RYR2: variants seen among roughly 807,000 people sequenced by gnomAD.
RYR2 encodes the protein ryanodine receptor 2.
In RYR2, 227 loss-of-function variants were observed where a neutral mutation model predicts 601.1. The observed-to-expected ratio is 0.38, with a 90% CI of 0.34 to 0.42. The LOEUF is 0.42. Among genes scored for constraint, RYR2 ranks in the 10% least tolerant of loss-of-function variants. The pLI, the probability that RYR2 is intolerant of heterozygous loss-of-function variation, is 1.00. For missense variants in RYR2, 4,646 were observed against 6,156.5 expected (o/e 0.75, Z 8.21); for synonymous variants, 2,223 against 2,175.1 (o/e 1.02, Z -0.61).
chr1:237,411,806 C>T (rs1237323458), intron 10 of RYR2, among the ~76,000 whole-genome samples: 1 of 152,086 alleles, frequency 6.6e-6, no homozygotes, highest in Non-Finnish European at 1.5e-5. Context: ...TTTAGTTGCC[C>T]TGCAGAACAA....
intron 1 of RYR2, among the ~76,000 whole-genome samples, chr1:237,197,831 T>C (rs1218941394): frequency 1.3e-5 from 2 of 152,218 alleles, no homozygotes; most frequent in Non-Finnish European, 2.9e-5. Context: ...CTGGAGTTTG[T>C]GGGCAGAACA....
At chr1:237,776,590 C>T (rs1694672065) in intron 87 of RYR2, among the ~76,000 whole-genome samples, 1 of 152,130 alleles carries the variant, frequency 6.6e-6, no homozygotes, top group African/African-American at 2.4e-5. Flanking sequence ...GTTGTTCATT[C>T]TGGAAGGAGT....
At chr1:237,556,286 T>C (rs1670865313) in intron 27 of RYR2, among the ~76,000 whole-genome samples, 1 of 24,004 alleles carries the variant, frequency 4.2e-5, no homozygotes, top group African/African-American at 2.0e-4. Flanking sequence ...AAAATATTAT[T>C]ATTATTATTA....
chr1:237,558,392 G>A (rs1301276946), intron 27 of RYR2, among the ~76,000 whole-genome samples: 1 of 152,294 alleles, frequency 6.6e-6, no homozygotes, highest in South Asian at 2.1e-4. Flanking sequence ...AGAATTCTCA[G>A]CTGACAATTA....
At chr1:237,453,888 A>G (rs1658486094) in intron 14 of RYR2, among the ~76,000 whole-genome samples, 1 of 152,182 alleles carries the variant, frequency 6.6e-6, no homozygotes. Flanking sequence ...GCATTTTAAT[A>G]TATATTTACC....
chr1:237,415,806 C>T (rs1229758250), intron 10 of RYR2, among the ~76,000 whole-genome samples: 1 of 152,120 alleles, frequency 6.6e-6, no homozygotes, highest in African/African-American at 2.4e-5. Flanking sequence ...ATCTGTGAGG[C>T]AATTTGGGAA....
chr1:237,299,125 G>GTTTTT (rs1464427149), intron 2 of RYR2, among the ~76,000 whole-genome samples: 7 of 44,146 alleles, frequency 1.6e-4, no homozygotes, highest in Non-Finnish European at 6.3e-4. Context: ...AATTCCTAGA[G>GTTTTT]TCTTTTTTTT....
At chr1:237,070,734 G>T (rs941281136) in intron 1 of RYR2, among the ~76,000 whole-genome samples, 1 of 152,242 alleles carries the variant, frequency 6.6e-6, no homozygotes, top group Non-Finnish European at 1.5e-5. Flanking sequence ...CATGCTGGCT[G>T]GGGTGGGGTG....
chr1:237,569,289 C>A lies in RYR2; in HGVS notation c.3568C>A (p.Leu1190Met). ...EILLDDSGSE[L>M]AFKDFDVGDG... ...CCTTCTTGATGATTCAGGCTCAGAA[C>A]TGGCTTTCAAGGACTTTGATGTTGG... Residue 1190 changes from leucine to methionine, a missense_variant, in exon 29 of 105, where the codon CTG becomes ATG. By Grantham distance (15) the Leu-to-Met change is conservative. Transcript: ENST00000366574. The A allele has an allele frequency of 6.2e-7, 1 of 1,613,828 alleles. No homozygotes were observed. Among genetic ancestry groups the A allele is most frequent in the Non-Finnish European group, 8.5e-7 (1 of 1,179,840 alleles).
At chr1:237,439,067 A>T (rs1422524813) in intron 12 of RYR2, among the ~76,000 whole-genome samples, 1 of 152,222 alleles carries the variant, frequency 6.6e-6, no homozygotes, top group Non-Finnish European at 1.5e-5. Flanking sequence ...TTACTTGCCT[A>T]ATCTGAGCAC....
At chr1:237,641,107 T>A in intron 47 of RYR2, 105 bp downstream of exon 47, 1 of 673,954 alleles carries the variant, frequency 1.5e-6, no homozygotes, top group Admixed American at 3.2e-5. Context: ...ATCTTCATGC[T>A]CCATTAAAAA....
intron 2 of RYR2, among the ~76,000 whole-genome samples, chr1:237,308,850 T>C (rs919553981): frequency 1.3e-5 from 2 of 152,244 alleles, no homozygotes; most frequent in Non-Finnish European, 2.9e-5. Flanking sequence ...CCCACCCACA[T>C]CCTGCTGATT....
chr1:237,476,972 C>G (rs1661477226), intron 17 of RYR2, among the ~76,000 whole-genome samples: 1 of 152,170 alleles, frequency 6.6e-6, no homozygotes, highest in Admixed American at 6.5e-5. Flanking sequence ...TTTATTTTCC[C>G]TTTGCATAGC....
At chr1:237,460,130 T>C (rs1223533340) in intron 16 of RYR2, among the ~76,000 whole-genome samples, 1 of 152,184 alleles carries the variant, frequency 6.6e-6, no homozygotes, top group Non-Finnish European at 1.5e-5. Flanking sequence ...GTGCGGCCTT[T>C]TCTTGATGGT....
At chr1:237,319,092 T>C (rs1037465743) in intron 2 of RYR2, among the ~76,000 whole-genome samples, 2 of 152,158 alleles carry the variant, frequency 1.3e-5, no homozygotes, top group Admixed American at 6.5e-5. Flanking sequence ...TGAACCTCTT[T>C]AGTATATTTA....
At chr1:237,749,305 A>C (rs546033098) in intron 80 of RYR2, among the ~76,000 whole-genome samples, 3 of 152,292 alleles carry the variant, frequency 2.0e-5, no homozygotes, top group South Asian at 2.1e-4. Context: ...GGAAGCCTCA[A>C]TTTTTCTATC....
intron 24 of RYR2, among the ~76,000 whole-genome samples, chr1:237,519,121 T>C (rs1039699092): frequency 6.6e-6 from 1 of 152,210 alleles, no homozygotes; most frequent in Non-Finnish European, 1.5e-5. Context: ...AGGAGACTAT[T>C]TGATGCTTTT....
intron 4 of RYR2, among the ~76,000 whole-genome samples, chr1:237,363,511 A>G (rs1034197565): frequency 3.3e-5 from 5 of 152,100 alleles, no homozygotes; most frequent in Non-Finnish European, 7.4e-5. Context: ...TTTTCTTACA[A>G]CTAGTGTCTC....
At chr1:237,720,542 G>C (rs1689631649) in intron 73 of RYR2, among the ~76,000 whole-genome samples, 2 of 152,200 alleles carry the variant, frequency 1.3e-5, no homozygotes. Context: ...TTTTTTAAAA[G>C]TTTATAAAGC....
Sources: allele counts gnomAD v4.1 joint callset (sites outside exome capture counted in the v4.1 genomes callset), GRCh38; gene constraint gnomAD v4.1.1; transcripts MANE v1.5; gene names NCBI Gene and HGNC (gene_info 2026-07-23, HGNC 2026-07-21).